The following NUP214 variants were observed in gnomAD, a reference collection of about 807,000 sequenced individuals.
NUP214 encodes the protein nuclear pore complex protein Nup214.
A neutral mutation model predicts 196.2 loss-of-function variants in NUP214; 79 were observed. That is an observed-to-expected ratio of 0.40 (90% confidence interval 0.34 to 0.49). The LOEUF (loss-of-function observed/expected upper bound fraction) is 0.49, where lower values mean the gene tolerates loss of function less well. Among genes scored for constraint, NUP214 ranks in the 20% least tolerant of loss-of-function variants. The pLI, the probability that NUP214 is intolerant of heterozygous loss-of-function variation, is 0.58. For synonymous variants in NUP214, 1,020 were observed against 990.5 expected, an observed-to-expected ratio of 1.03 and a Z score of -0.56; for missense variants, 2,468 against 2,539.0, an observed-to-expected ratio of 0.97 and a Z score of 0.60.
At chr9:131,221,699 C>G (rs1834558859) in intron 31 of NUP214, among the ~76,000 whole-genome samples, 1 of 152,214 alleles carries the variant, frequency 6.6e-6, no homozygotes, top group South Asian at 2.1e-4. Context: ...AGAGCATATG[C>G]TGTGCCTCCC....
chr9:131,200,580 G>T (rs773465453), intron 29 of NUP214, among the ~76,000 whole-genome samples: 2 of 152,278 alleles, frequency 1.3e-5, no homozygotes, highest in Non-Finnish European at 2.9e-5. Flanking sequence ...GTCGTGGCAG[G>T]CGCATGTAGT....
intron 2 of NUP214, 32 bp from the exon 3 acceptor site, chr9:131,128,300 G>T: frequency 2.5e-6 from 4 of 1,596,530 alleles, no homozygotes; most frequent in Non-Finnish European, 2.6e-6. Flanking sequence ...AGAACATACC[G>T]TTTTCTGCTT....
intron 3 of NUP214, 24 bp downstream of exon 3, chr9:131,128,507 G>A: frequency 6.3e-6 from 10 of 1,583,130 alleles, no homozygotes; most frequent in Non-Finnish European, 8.6e-6. Context: ...ATACTGTGAT[G>A]TCAACATGAG....
chr9:131,209,817 A>G (rs1354440326), intron 30 of NUP214, among the ~76,000 whole-genome samples: 1 of 152,210 alleles, frequency 6.6e-6, no homozygotes, highest in African/African-American at 2.4e-5. Flanking sequence ...CTTTGCAAAG[A>G]AAAAGGAACT....
intron 28 of NUP214, 68 bp downstream of exon 28, chr9:131,195,362 C>T: frequency 7.9e-7 from 1 of 1,263,940 alleles, no homozygotes. Context: ...TATTTTTGCC[C>T]ACATGTTAGT....
intron 31 of NUP214, among the ~76,000 whole-genome samples, chr9:131,220,272 A>G (rs181314808): frequency 8.5e-5 from 13 of 152,366 alleles, no homozygotes; most frequent in South Asian, 6.2e-4. Context: ...ATATGGTAAC[A>G]TATTTTCAAA....
Position 131,198,347 on chromosome 9 carries a change from C to A in NUP214, c.4853C>A (p.Ser1618Tyr). ...GAAACATCAAGTACCCCCATAGCCT[C>A]CAGCACCACGTCCATTGTTGCTCCC... ...AVETSSTPIA[S>Y]STTSIVAPGP... The change falls in exon 29 of 36, where the codon TCC becomes TAC. Residue 1618 changes from serine (S) to tyrosine (Y), a missense_variant. By Grantham distance (144) the Ser-to-Tyr change is moderately radical. Around this residue, in one of 5 missense-constraint regions of NUP214, gnomAD observed 1,801 missense variants for 1,779.4 expected, o/e 1.01. Transcript: ENST00000359428. 4.3e-6 allele frequency: 7 copies of A among 1,614,260 alleles called. No individual in the cohort carries two copies. The highest frequency in any genetic ancestry group is 5.9e-6 in the Non-Finnish European group (7 of 1,180,042).
intron 18 of NUP214, among the ~76,000 whole-genome samples, chr9:131,159,917 C>A (rs944379531): frequency 2.6e-5 from 4 of 151,146 alleles, no homozygotes; most frequent in African/African-American, 9.7e-5. Context: ...TTTTAACAGT[C>A]ATTCTACTTG....
intron 18 of NUP214, among the ~76,000 whole-genome samples, chr9:131,160,727 A>G (rs1832606364): frequency 6.6e-6 from 1 of 152,242 alleles, no homozygotes; most frequent in Admixed American, 6.5e-5. Context: ...AGTAAGCACA[A>G]TTCAATAAAT....
chr9:131,216,276 G>A (rs1467229711), intron 31 of NUP214, among the ~76,000 whole-genome samples: 1 of 149,460 alleles, frequency 6.7e-6, no homozygotes, highest in Non-Finnish European at 1.5e-5. Context: ...CAAGGCTGGA[G>A]TGCAGTGGCG....
chr9:131,212,454 G>C lies in NUP214; in HGVS notation c.5593-2758G>C, dbSNP rs112981494. On this transcript the variant is annotated intron_variant, in intron 30 of 35. Coordinates refer to ENST00000359428, the MANE Select transcript of NUP214 (RefSeq NM_005085.4). ...GGTTTTGTGGCTCAGGGGGCATCACGGAACCTGCCAACATGTGATGTCTCC... is the reference window on the plus strand; with the variant it reads ...GGTTTTGTGGCTCAGGGGGCATCACCGAACCTGCCAACATGTGATGTCTCC... Among the ~76,000 whole-genome samples the C allele has an allele frequency of 2.0e-5, 3 of 152,176 alleles. No individual in the cohort carries two copies. In the South Asian group the frequency reaches 6.2e-4, roughly 32 times the overall value.
intron 21 of NUP214, among the ~76,000 whole-genome samples, chr9:131,168,435 T>C (rs1832850283): frequency 6.6e-6 from 1 of 152,226 alleles, no homozygotes; most frequent in African/African-American, 2.4e-5. Context: ...GTTTACAGAA[T>C]TGTATACCCA....
chr9:131,165,759 T>C (rs1428511203), intron 21 of NUP214, among the ~76,000 whole-genome samples: 1 of 152,248 alleles, frequency 6.6e-6, no homozygotes, highest in Admixed American at 6.5e-5. Context: ...AAAATGTCTG[T>C]CTATACAATG....
At chr9:131,148,891 AATT>A (rs1175728896) in intron 14 of NUP214, among the ~76,000 whole-genome samples, 1 of 152,136 alleles carries the variant, frequency 6.6e-6, no homozygotes, top group African/African-American at 2.4e-5. Flanking sequence ...ATTTTAATAT[AATT>A]AAGTATATCA....
chr9:131,147,414 G>T, intron 13 of NUP214, 76 bp from the exon 14 acceptor site: 2 of 1,108,730 alleles, frequency 1.8e-6, no homozygotes, highest in Non-Finnish European at 2.7e-6. Flanking sequence ...TCTTAGATTT[G>T]GAGAAAGGAC....
chr9:131,230,832 G>T, intron 34 of NUP214, 63 bp downstream of exon 34: 1 of 1,549,462 alleles, frequency 6.5e-7, no homozygotes, highest in South Asian at 1.2e-5. Flanking sequence ...CTCCCCCAAA[G>T]AAATGAGTAT....
rs1564186277 is a variant in NUP214 at position 131,150,756 on chromosome 9, GACC to G, written c.2271_2273del (p.Thr758del). ...ATACCTTTCTTTTGGAGATTAAAGA[GACC>G]ACAGAGGTTTGTGTTTATGGATACT... On this transcript the variant is annotated inframe_deletion, in exon 16 of 36. Coordinates refer to ENST00000359428, the MANE Select transcript of NUP214 (RefSeq NM_005085.4). 1 of 1,605,312 alleles carries G rather than the reference GACC, an allele frequency of 6.2e-7. No individual in the cohort carries two copies. Among genetic ancestry groups the G allele is most frequent in the South Asian group, 1.1e-5 (1 of 89,222 alleles).
At chr9:131,156,464 G>A (rs929294967) in intron 17 of NUP214, among the ~76,000 whole-genome samples, 10 of 151,612 alleles carry the variant, frequency 6.6e-5, no homozygotes, top group East Asian at 1.9e-4. Flanking sequence ...TGTTTGTGTC[G>A]TTTCCATTTG....
chr9:131,196,111 C>T (rs1466476640), intron 28 of NUP214, among the ~76,000 whole-genome samples: 2 of 145,638 alleles, frequency 1.4e-5, no homozygotes. Flanking sequence ...GAAACCAGAT[C>T]TATTTGTTAA....
Sources: allele counts gnomAD v4.1 joint callset (sites outside exome capture counted in the v4.1 genomes callset), GRCh38; gene constraint gnomAD v4.1.1; regional missense constraint gnomAD v4.1.1; transcripts MANE v1.5; gene names NCBI Gene and HGNC (gene_info 2026-07-23, HGNC 2026-07-21).